The following GALNT1 variants were observed in gnomAD, a reference collection of about 807,000 sequenced individuals.
The protein encoded by GALNT1 is GalNAc transferase 1.
Under a neutral mutation model 65.7 loss-of-function variants are expected in GALNT1, and 17 were observed. That is an observed-to-expected ratio of 0.26 (90% CI 0.18 to 0.39). GALNT1 has a LOEUF of 0.39. GALNT1 is among the 10% of genes least tolerant of loss of function. The pLI, the probability that GALNT1 is intolerant of heterozygous loss-of-function variation, is 1.00. For synonymous variants in GALNT1, 210 were observed against 219.7 expected (o/e 0.96, Z 0.39); for missense variants, 460 against 672.8 (o/e 0.68, Z 3.50).
At chr18:35,694,524 T>C (rs1469388924) in intron 9 of GALNT1, among the ~76,000 whole-genome samples, 1 of 152,166 alleles carries the variant, frequency 6.6e-6, no homozygotes, top group Non-Finnish European at 1.5e-5. Context: ...TGGAGGTTTC[T>C]CAAAAAATGC....
At chr18:35,643,545 C>T (rs553243877) in intron 1 of GALNT1, among the ~76,000 whole-genome samples, 5 of 152,244 alleles carry the variant, frequency 3.3e-5, no homozygotes, top group Admixed American at 1.3e-4. Flanking sequence ...AGGCAGATCA[C>T]GAGGTCAGGA....
chr18:35,677,422 GTGCTA>G (rs1474876344), intron 3 of GALNT1, among the ~76,000 whole-genome samples, 164 bp from the exon 4 acceptor site: 1 of 151,928 alleles, frequency 6.6e-6, no homozygotes, highest in African/African-American at 2.4e-5. Flanking sequence ...CTTTAAATAG[GTGCTA>G]TTTATTAAAC....
intron 1 of GALNT1, among the ~76,000 whole-genome samples, chr18:35,639,738 GC>G (rs2047137388): frequency 6.6e-6 from 1 of 151,836 alleles, no homozygotes; most frequent in African/African-American, 2.4e-5. Flanking sequence ...TGATCTTTAT[GC>G]TTGTTTGATT....
chr18:35,661,136 A>C (rs1285618593), intron 2 of GALNT1, among the ~76,000 whole-genome samples: 1 of 152,148 alleles, frequency 6.6e-6, no homozygotes, highest in Admixed American at 6.6e-5. Context: ...TATAGTAATA[A>C]TTTCTCCAGT....
intron 5 of GALNT1, among the ~76,000 whole-genome samples, chr18:35,686,196 A>G (rs2047864894): frequency 6.6e-6 from 1 of 152,240 alleles, no homozygotes; most frequent in Admixed American, 6.5e-5. Flanking sequence ...ATGTTTATCA[A>G]AAGATTTACT....
At chr18:35,670,116 C>A (rs1230927903) in intron 3 of GALNT1, among the ~76,000 whole-genome samples, 1 of 151,968 alleles carries the variant, frequency 6.6e-6, no homozygotes, top group Admixed American at 6.6e-5. Flanking sequence ...ATTGATGAGA[C>A]CCCATCTCTA....
intron 9 of GALNT1, among the ~76,000 whole-genome samples, chr18:35,699,031 C>G (rs1160310258): frequency 6.6e-6 from 1 of 152,042 alleles, no homozygotes; most frequent in East Asian, 1.9e-4. Context: ...GGTTACCCAT[C>G]TGTCTCTGTA....
intron 9 of GALNT1, among the ~76,000 whole-genome samples, chr18:35,696,158 C>T (rs2048053091): frequency 6.6e-6 from 1 of 152,210 alleles, no homozygotes; most frequent in Non-Finnish European, 1.5e-5. Context: ...TACCAGGCCA[C>T]ATCCTACAGG....
In GALNT1 at chr18:35,692,259, G is replaced by A. The variant is rs1263600061; in HGVS notation, c.1238G>A (p.Trp413Ter). The change falls in exon 9 of 12, where the codon TGG becomes TAG. Residue 413 changes from tryptophan to a stop codon, truncating the protein, a stop_gained. Transcript: ENST00000269195. LOFTEE classifies it high-confidence loss of function. Reference protein sequence around the residue: ...RHKLQCKPFSWYLENIYPDSQ... With the variant: ...RHKLQCKPFS ...AAACTACAATGCAAACCTTTTTCCT[G>A]GTACCTAGAGAATATATATCCTGAT... is the stretch of plus-strand genomic sequence containing the variant. The A allele has an allele frequency of 6.2e-7, 1 of 1,604,708 alleles. No homozygotes were observed. Among genetic ancestry groups the A allele is most frequent in the Non-Finnish European group, 8.5e-7 (1 of 1,172,524 alleles).
intron 1 of GALNT1, among the ~76,000 whole-genome samples, chr18:35,589,634 C>A (rs368674795): frequency 1.3e-5 from 2 of 152,158 alleles, no homozygotes; most frequent in Non-Finnish European, 1.5e-5. Flanking sequence ...GGTCCCTAGC[C>A]TTCTTCTCTC....
intron 1 of GALNT1, among the ~76,000 whole-genome samples, chr18:35,649,182 C>T (rs1054281974): frequency 6.6e-5 from 10 of 152,182 alleles, no homozygotes; most frequent in Non-Finnish European, 1.0e-4. Flanking sequence ...CCACTGGCAC[C>T]GTATTAGAGT....
intron 1 of GALNT1, among the ~76,000 whole-genome samples, chr18:35,585,456 T>C (rs1045514512): frequency 7.9e-5 from 12 of 152,224 alleles, no homozygotes; most frequent in Non-Finnish European, 1.2e-4. Context: ...TTTACATTTA[T>C]ATCTGTGTGT....
intron 1 of GALNT1, among the ~76,000 whole-genome samples, chr18:35,637,315 T>A (rs1232254704): frequency 6.6e-6 from 1 of 152,258 alleles, no homozygotes; most frequent in Non-Finnish European, 1.5e-5. Flanking sequence ...AAGCTGGGCT[T>A]CTTGCGCCAT....
chr18:35,676,248 TTAG>T (rs894629203), intron 3 of GALNT1, among the ~76,000 whole-genome samples: 1 of 151,972 alleles, frequency 6.6e-6, no homozygotes, highest in African/African-American at 2.4e-5. Flanking sequence ...AAGGTTACTG[TTAG>T]TAGGAGACGG....
chr18:35,619,988 T>G (rs2144098803), intron 1 of GALNT1, among the ~76,000 whole-genome samples: 1 of 152,328 alleles, frequency 6.6e-6, no homozygotes, highest in African/African-American at 2.4e-5. Context: ...TTGACCGATT[T>G]CCTTCTGTGT....
intron 4 of GALNT1, 30 bp downstream of exon 4, chr18:35,677,787 T>G: frequency 6.5e-7 from 1 of 1,537,590 alleles, no homozygotes; most frequent in Non-Finnish European, 8.9e-7. Flanking sequence ...GCCAATAATT[T>G]GCTACACCTT....
rs142699129 is a variant in GALNT1, at chr18:35,623,608, T to C, written c.-103-30952T>C. 3.3e-3 allele frequency among the ~76,000 whole-genome samples: 495 copies of C among 152,294 alleles called. 5 individuals are homozygous for C. The highest frequency in any genetic ancestry group is 3.9e-3 in the Non-Finnish European group (265 of 68,012). On this transcript the variant is annotated intron_variant, in intron 1 of 11. Coordinates refer to ENST00000269195, the MANE Select transcript of GALNT1 (RefSeq NM_020474.4). ...CTGAGGCTCTGTTCATTAAAGATTT[T>C]TCTTTCCTTTTCAGATGGGATAATT...
chr18:35,616,290 G>A lies in GALNT1; in HGVS notation c.-104+34428G>A, dbSNP rs1053884251. Among the ~76,000 whole-genome samples, 5 of 152,128 alleles carry A rather than the reference G, an allele frequency of 3.3e-5. No individual in the cohort carries two copies. In the South Asian group the frequency reaches 8.3e-4, roughly 25 times the overall value. The stretch of plus-strand genomic sequence containing the variant: ...CCTTGACATGTATAGTCTATGTGAC[G>A]CTGGCCAAATTACCTAACTTTTTAA... On this transcript the variant is annotated intron_variant, in intron 1 of 11. Transcript: ENST00000269195.
At chr18:35,614,029 A>G (rs1047557954) in intron 1 of GALNT1, among the ~76,000 whole-genome samples, 1 of 152,214 alleles carries the variant, frequency 6.6e-6, no homozygotes, top group African/African-American at 2.4e-5. Flanking sequence ...TTCACAATTT[A>G]AAAAACCAAA....
Sources: gnomAD v4.1 joint callset for allele counts (sites outside exome capture counted in the v4.1 genomes callset) on GRCh38, gnomAD v4.1.1 for gene constraint, MANE v1.5 for transcripts, NCBI Gene and HGNC (gene_info 2026-07-23, HGNC 2026-07-21) for gene names.